SEMA5A: variants seen among roughly 807,000 people sequenced by gnomAD.
SEMA5A encodes the protein semaphorin-5A.
SEMA5A carries 55 observed loss-of-function variants against 135.5 expected under a neutral mutation model. That is an observed-to-expected ratio of 0.41 (90% CI 0.33 to 0.51). The LOEUF (loss-of-function observed/expected upper bound fraction) is 0.51. Ranked by LOEUF, SEMA5A falls within the 20% of genes least tolerant of loss-of-function variation. The pLI is 0.37. For missense variants in SEMA5A, 1,290 were observed against 1,419.9 expected (o/e 0.91, Z 1.47); for synonymous variants, 580 against 546.5 (o/e 1.06, Z -0.85).
rs1305606521 is a variant in SEMA5A, at chr5:9,109,027, A to ATTTTTTTTTTTTTTTT, written c.1926-741_1926-740insAAAAAAAAAAAAAAAA. ...ATCATGAGTCATATTATTTCTCTTC[A>ATTTTTTTTTTTTTTTT]ATTTTTTTTTTTTTTTTTTTTTTTT... On this transcript the variant is annotated intron_variant, in intron 15 of 22. Coordinates refer to ENST00000382496, the MANE Select transcript of SEMA5A (RefSeq NM_003966.3). Among the ~76,000 whole-genome samples the ATTTTTTTTTTTTTTTT allele has an allele frequency of 1.4e-4, 17 of 118,944 alleles. 2 individuals are homozygous for ATTTTTTTTTTTTTTTT. In the East Asian group the frequency reaches 1.8e-3, roughly 13 times the overall value. 78.0% of individuals were successfully genotyped at this position (118,944 alleles called of 152,430 possible). A position where few individuals can be genotyped will look rare whatever the true frequency, so the allele number is the denominator to read the frequency against.
chr5:9,360,411 A>G (rs1463794714), intron 3 of SEMA5A, among the ~76,000 whole-genome samples: 1 of 152,252 alleles, frequency 6.6e-6, no homozygotes, highest in Non-Finnish European at 1.5e-5. Flanking sequence ...GAAAATATAC[A>G]CTACCCTAAA....
chr5:9,395,862 T>C (rs1756374068), intron 2 of SEMA5A, among the ~76,000 whole-genome samples: 1 of 152,190 alleles, frequency 6.6e-6, no homozygotes, highest in Admixed American at 6.5e-5. Context: ...TGCAGTTCTC[T>C]TTGATTATGA....
At chr5:9,486,935 C>T (rs1270535901) in intron 1 of SEMA5A, among the ~76,000 whole-genome samples, 2 of 152,014 alleles carry the variant, frequency 1.3e-5, no homozygotes, top group African/African-American at 2.4e-5. Flanking sequence ...GAAATTAGCA[C>T]CCTCTACTCC....
At chr5:9,437,483 A>G (rs3777350) in intron 2 of SEMA5A, among the ~76,000 whole-genome samples, 13,557 of 152,000 alleles carry the variant, frequency 0.089, 714 homozygotes, top group Middle Eastern at 0.13. Flanking sequence ...CAGCCTCCCA[A>G]GTAGCTGGGA....
chr5:9,228,874 C>T (rs559627696), intron 6 of SEMA5A, among the ~76,000 whole-genome samples: 1 of 152,274 alleles, frequency 6.6e-6, no homozygotes, highest in South Asian at 2.1e-4. Context: ...CCAAATGGAC[C>T]CCCACTCTAG....
chr5:9,312,939 G>C (rs915033321), intron 5 of SEMA5A, among the ~76,000 whole-genome samples: 3 of 152,136 alleles, frequency 2.0e-5, no homozygotes, highest in Non-Finnish European at 4.4e-5. Context: ...GTGTGACAGT[G>C]CTTTGATAGA....
chr5:9,147,076 A>C (rs933924476), intron 12 of SEMA5A, among the ~76,000 whole-genome samples: 2 of 152,168 alleles, frequency 1.3e-5, no homozygotes, highest in Non-Finnish European at 2.9e-5. Flanking sequence ...GTCTTTAGGG[A>C]ATATTTAATT....
chr5:9,188,493 G>A (rs1430558275), intron 11 of SEMA5A, among the ~76,000 whole-genome samples: 1 of 152,104 alleles, frequency 6.6e-6, no homozygotes, highest in Non-Finnish European at 1.5e-5. Flanking sequence ...CTCAGGTTGA[G>A]ACCTCAGGCT....
chr5:9,466,604 G>C (rs938555996), intron 1 of SEMA5A, among the ~76,000 whole-genome samples: 1 of 152,178 alleles, frequency 6.6e-6, no homozygotes, highest in African/African-American at 2.4e-5. Context: ...CTAGATTCGT[G>C]TATTTACAGA....
intron 1 of SEMA5A, among the ~76,000 whole-genome samples, chr5:9,455,667 A>C (rs1758807677): frequency 6.6e-6 from 1 of 152,224 alleles, no homozygotes; most frequent in African/African-American, 2.4e-5. Context: ...ATCTTATAGT[A>C]AGAAATTGTG....
intron 17 of SEMA5A, among the ~76,000 whole-genome samples, 189 bp downstream of exon 17, chr5:9,066,232 C>A (rs1737457630): frequency 2.6e-5 from 4 of 152,218 alleles, no homozygotes; most frequent in African/African-American, 9.6e-5. Flanking sequence ...TATCTAACTT[C>A]TTACAGTAAG....
intron 21 of SEMA5A, among the ~76,000 whole-genome samples, chr5:9,049,592 C>A (rs1736457199): frequency 6.6e-6 from 1 of 152,226 alleles, no homozygotes; most frequent in Admixed American, 6.5e-5. Context: ...GCTGGGCTCT[C>A]TGAGACACCC....
intron 1 of SEMA5A, among the ~76,000 whole-genome samples, chr5:9,498,104 G>A (rs999993161): frequency 2.2e-4 from 34 of 152,160 alleles, no homozygotes; most frequent in African/African-American, 8.2e-4. Context: ...TGGCTGGGAA[G>A]AGACTGCCCC....
At chr5:9,346,835 T>C (rs773026862) in intron 3 of SEMA5A, among the ~76,000 whole-genome samples, 5 of 152,102 alleles carry the variant, frequency 3.3e-5, no homozygotes, top group Non-Finnish European at 7.3e-5. Flanking sequence ...ATATCTGGCT[T>C]CATACACACA....
At chr5:9,508,676 T>C (rs192729877) in intron 1 of SEMA5A, among the ~76,000 whole-genome samples, 1 of 152,274 alleles carries the variant, frequency 6.6e-6, no homozygotes, top group East Asian at 1.9e-4. Flanking sequence ...TGTAAGGTCT[T>C]CCTTGAAGTC....
intron 11 of SEMA5A, among the ~76,000 whole-genome samples, chr5:9,171,239 T>A (rs538189715): frequency 6.6e-6 from 1 of 152,238 alleles, no homozygotes; most frequent in Admixed American, 6.5e-5. Context: ...GTGAGAGAAA[T>A]TCATTCACCC....
At chr5:9,484,276 G>T (rs1287122411) in intron 1 of SEMA5A, among the ~76,000 whole-genome samples, 1 of 152,160 alleles carries the variant, frequency 6.6e-6, no homozygotes, top group Non-Finnish European at 1.5e-5. Context: ...ACAGTCATTT[G>T]ACAAATACAT....
rs530207818 is a variant in SEMA5A at position 9,040,122 on chromosome 5, G to C, written c.*2775C>G. 325 of 152,268 alleles carry C rather than the reference G, an allele frequency of 2.1e-3. No individual in the cohort carries two copies. Among genetic ancestry groups the C allele is most frequent in the African/African-American group, 7.3e-3 (305 of 41,548 alleles). 9.4% of individuals were successfully genotyped at this position (152,268 alleles called of 1,614,324 possible). On this transcript the variant is annotated 3_prime_UTR_variant, in exon 23 of 23. Coordinates refer to ENST00000382496, the MANE Select transcript of SEMA5A (RefSeq NM_003966.3). ...AGGTGTAGCTTAAAACTATGTGTTG[G>C]TTTTTGTTCCACTTGTACCAAGAAA...
chr5:9,300,716 T>C (rs1751573119), intron 5 of SEMA5A, among the ~76,000 whole-genome samples: 1 of 152,180 alleles, frequency 6.6e-6, no homozygotes, highest in South Asian at 2.1e-4. Context: ...TGGATAATCC[T>C]GGTGAATCCT....
Sources: gnomAD v4.1 joint callset for allele counts (sites outside exome capture counted in the v4.1 genomes callset) on GRCh38, gnomAD v4.1.1 for gene constraint, MANE v1.5 for transcripts, NCBI Gene and HGNC (gene_info 2026-07-23, HGNC 2026-07-21) for gene names.